PCSK5: variants seen among roughly 807,000 people sequenced by gnomAD.
The protein encoded by PCSK5 is prohormone convertase 5.
PCSK5 carries 129 observed loss-of-function variants against 233.2 expected under a neutral mutation model. The ratio of observed to expected loss-of-function variants is 0.55; its 90% confidence interval spans 0.48 to 0.64. The LOEUF (loss-of-function observed/expected upper bound fraction) is 0.64. Ranked by LOEUF, PCSK5 falls within the 30% of genes least tolerant of loss-of-function variation. The probability of loss-of-function intolerance (pLI) is 0.00; values close to 1 mark genes in which losing one functional copy is unlikely to be tolerated. For synonymous variants in PCSK5, 825 were observed against 879.2 expected (o/e 0.94, Z 1.09); for missense variants, 2,076 against 2,430.1 (o/e 0.85, Z 3.06).
intron 1 of PCSK5, among the ~76,000 whole-genome samples, chr9:75,919,515 G>A (rs970964732): frequency 2.0e-5 from 3 of 152,166 alleles, no homozygotes; most frequent in Non-Finnish European, 4.4e-5. Context: ...GTAATTTTAT[G>A]TGAAACTGCC....
chr9:76,014,465 TTC>T (rs1375931881), intron 3 of PCSK5, among the ~76,000 whole-genome samples: 1 of 152,224 alleles, frequency 6.6e-6, no homozygotes. Flanking sequence ...ACTGAATTTC[TTC>T]TCAACTTAGG....
At position 76,323,233 on chromosome 9, in the gene PCSK5, C is replaced by T. The variant is rs371379898; in HGVS notation, c.4284C>T (p.Cys1428=). The part of the protein sequence containing the change: ...ESSWVLYDGL[C]LEECPAGTYY... ...CCTGGGTCCTCTATGATGGACTGTG[C>T]TTGGAGGAGTGTCCAGCAGGAACCT... Residue 1428 remains cysteine (C), a synonymous_variant, in exon 32 of 38, where the codon TGC becomes TGT. Coordinates refer to ENST00000674117, the MANE Select transcript of PCSK5 (RefSeq NM_001372043.1). The T allele has an allele frequency of 1.2e-6, 2 of 1,612,594 alleles. No homozygotes were observed. The highest frequency in any genetic ancestry group is 2.7e-5 in the African/African-American group (2 of 74,924).
intron 24 of PCSK5, among the ~76,000 whole-genome samples, chr9:76,285,200 A>G (rs1476522848): frequency 3.3e-5 from 5 of 151,994 alleles, no homozygotes; most frequent in Non-Finnish European, 7.4e-5. Flanking sequence ...GAATCCTGGG[A>G]AGTGAATGGA....
chr9:76,133,051 C>T (rs1024078195), intron 9 of PCSK5, among the ~76,000 whole-genome samples: 2 of 152,034 alleles, frequency 1.3e-5, no homozygotes, highest in African/African-American at 4.8e-5. Flanking sequence ...AGAAAGACTA[C>T]CCCAAGCCCC....
At chr9:76,352,285 A>C (rs1180120449) in intron 36 of PCSK5, among the ~76,000 whole-genome samples, 1 of 152,118 alleles carries the variant, frequency 6.6e-6, no homozygotes, top group Non-Finnish European at 1.5e-5. Context: ...TAGCAGTGAG[A>C]ACCATCAGAG....
At chr9:76,008,161 T>C (rs1405634497) in intron 3 of PCSK5, among the ~76,000 whole-genome samples, 1 of 152,148 alleles carries the variant, frequency 6.6e-6, no homozygotes, top group Non-Finnish European at 1.5e-5. Context: ...CTTTTACTTT[T>C]CTGCTGTCTC....
chr9:76,053,876 C>T (rs536193251), intron 5 of PCSK5, among the ~76,000 whole-genome samples: 2 of 152,264 alleles, frequency 1.3e-5, no homozygotes, highest in East Asian at 3.9e-4. Context: ...AGCAGCACCC[C>T]ACTACCCAGT....
In PCSK5 at chr9:76,239,112, G is replaced by A. The variant is rs1253721015; in HGVS notation, c.3020G>A (p.Gly1007Asp). ...CATGTCTGCACAAGATGCATGAAGG[G>A]CTACTTCATAGCGCCCACCAACCAC... is the stretch of plus-strand genomic sequence containing the variant. ...SVHVCTRCMK[G>D]YFIAPTNHTC... The change falls in exon 23 of 38, where the codon GGC becomes GAC. Residue 1007 changes from glycine to aspartate, a missense_variant. By Grantham distance (94) the Gly-to-Asp change is moderately conservative. Coordinates refer to ENST00000674117, the MANE Select transcript of PCSK5 (RefSeq NM_001372043.1). 1.2e-6 allele frequency: 2 copies of A among 1,604,046 alleles called. No individual in the cohort carries two copies. The highest frequency in any genetic ancestry group is 2.2e-5 in the South Asian group (2 of 89,236).
intron 35 of PCSK5, among the ~76,000 whole-genome samples, chr9:76,342,533 G>A (rs188390158): frequency 1.1e-3 from 169 of 152,312 alleles, no homozygotes; most frequent in Non-Finnish European, 1.7e-3. Flanking sequence ...CCACTGAGCT[G>A]AAATTCCTGA....
At chr9:76,159,195 C>G (rs750848835) in intron 12 of PCSK5, 24 bp downstream of exon 12, 31 of 1,608,108 alleles carry the variant, frequency 1.9e-5, no homozygotes, top group African/African-American at 2.7e-5. Context: ...CTCTGCCCAC[C>G]AGTGTAGTAG....
At chr9:76,097,516 A>C (rs11144750) in intron 8 of PCSK5, among the ~76,000 whole-genome samples, 31,352 of 152,078 alleles carry the variant, frequency 0.21, 3,511 homozygotes, top group East Asian at 0.36. Flanking sequence ...GCTGTATGGG[A>C]TCTCCCGTTT....
chr9:76,015,349 C>T (rs1279725891), intron 3 of PCSK5, among the ~76,000 whole-genome samples: 1 of 152,212 alleles, frequency 6.6e-6, no homozygotes, highest in Non-Finnish European at 1.5e-5. Flanking sequence ...TCTGGAAGCA[C>T]GTGCACAGAC....
intron 2 of PCSK5, among the ~76,000 whole-genome samples, chr9:75,953,813 A>T (rs1824974768): frequency 6.6e-6 from 1 of 151,300 alleles, no homozygotes; most frequent in Non-Finnish European, 1.5e-5. Context: ...ATTAGACCTT[A>T]GTAAAAGAAA....
chr9:76,329,123 TTTTG>T (rs1199698539), intron 33 of PCSK5, among the ~76,000 whole-genome samples: 7 of 148,592 alleles, frequency 4.7e-5, no homozygotes, highest in Non-Finnish European at 8.9e-5. Context: ...CCGGCCACTT[TTTTG>T]TTTGTTTGTT....
intron 24 of PCSK5, among the ~76,000 whole-genome samples, chr9:76,278,915 C>A (rs1394687859): frequency 6.6e-6 from 1 of 152,034 alleles, no homozygotes; most frequent in African/African-American, 2.4e-5. Context: ...GCACATGTTG[C>A]ATTTTTTTTA....
At chr9:76,098,285 A>G (rs1289773515) in intron 8 of PCSK5, among the ~76,000 whole-genome samples, 4 of 152,214 alleles carry the variant, frequency 2.6e-5, no homozygotes, top group African/African-American at 4.8e-5. Context: ...TACCTCCAAC[A>G]TTCATCAATA....
At chr9:76,337,839 T>TC (rs532649865) in intron 34 of PCSK5, among the ~76,000 whole-genome samples, 1 of 124,714 alleles carries the variant, frequency 8.0e-6, no homozygotes, top group African/African-American at 2.8e-5. Flanking sequence ...CATCTCTGTT[T>TC]TAAAAAAAAA....
intron 20 of PCSK5, among the ~76,000 whole-genome samples, chr9:76,198,427 A>T (rs1302932268): frequency 6.6e-6 from 1 of 152,142 alleles, no homozygotes; most frequent in East Asian, 1.9e-4. Context: ...ACTAAAATGG[A>T]TTTATTTAAT....
chr9:76,037,637 C>G (rs1828918676), intron 5 of PCSK5, among the ~76,000 whole-genome samples: 1 of 152,050 alleles, frequency 6.6e-6, no homozygotes, highest in Non-Finnish European at 1.5e-5. Flanking sequence ...CTTTGTGAGT[C>G]CCTCTGGAAA....
Sources: allele counts gnomAD v4.1 joint callset (sites outside exome capture counted in the v4.1 genomes callset), GRCh38; gene constraint gnomAD v4.1.1; transcripts MANE v1.5; gene names NCBI Gene and HGNC (gene_info 2026-07-23, HGNC 2026-07-21).